LRP1B: variants seen among roughly 807,000 people sequenced by gnomAD.
LRP1B encodes the protein LDL receptor related protein 1B, also known as low-density lipoprotein receptor-related protein 1B.
LRP1B carries 217 observed loss-of-function variants against 556.6 expected under a neutral mutation model. The ratio of observed to expected loss-of-function variants is 0.39; its 90% CI spans 0.35 to 0.44. The LOEUF (loss-of-function observed/expected upper bound fraction) is 0.44, where lower values mean the gene tolerates loss of function less well. LRP1B is among the 20% of genes least tolerant of loss of function. The pLI, the probability that LRP1B is intolerant of heterozygous loss-of-function variation, is 1.00. For synonymous variants in LRP1B, 2,047 were observed against 1,865.8 expected, an observed-to-expected ratio of 1.10 and a Z score of -2.50; for missense variants, 5,053 against 5,620.8, an observed-to-expected ratio of 0.90 and a Z score of 3.23.
At chr2:140,424,351 C>T (rs920359264) in intron 66 of LRP1B, among the ~76,000 whole-genome samples, 9 of 152,076 alleles carry the variant, frequency 5.9e-5, no homozygotes, top group African/African-American at 1.9e-4. Context: ...ATTATTCATT[C>T]CTTTAAATAA....
chr2:141,047,058 T>G (rs200838849), intron 11 of LRP1B, among the ~76,000 whole-genome samples: 13 of 130,346 alleles, frequency 1.0e-4, no homozygotes, highest in Non-Finnish European at 1.6e-4. Context: ...CAAAAATTAA[T>G]AATAATAATA....
At chr2:141,536,549 C>A (rs1235124010) in intron 2 of LRP1B, among the ~76,000 whole-genome samples, 2 of 151,936 alleles carry the variant, frequency 1.3e-5, no homozygotes, top group Admixed American at 1.3e-4. Context: ...TGGAGGTTAT[C>A]AATAAAATAA....
chr2:141,219,557 G>A (rs752961262), intron 6 of LRP1B, among the ~76,000 whole-genome samples: 5 of 152,162 alleles, frequency 3.3e-5, no homozygotes, highest in Non-Finnish European at 7.3e-5. Flanking sequence ...CCCCAGTGCA[G>A]CCAAACCTGC....
At chr2:140,649,441 C>A (rs192043312) in intron 41 of LRP1B, among the ~76,000 whole-genome samples, 1 of 152,186 alleles carries the variant, frequency 6.6e-6, no homozygotes, top group Non-Finnish European at 1.5e-5. Context: ...TTCATTCAAT[C>A]CCATATTCTC....
chr2:141,489,642 T>C (rs1275833787), intron 2 of LRP1B, among the ~76,000 whole-genome samples: 1 of 152,084 alleles, frequency 6.6e-6, no homozygotes, highest in Non-Finnish European at 1.5e-5. Flanking sequence ...CCCAGAACAG[T>C]GTTTATTTCA....
At chr2:140,967,036 G>C (rs896195921) in intron 18 of LRP1B, among the ~76,000 whole-genome samples, 2 of 151,978 alleles carry the variant, frequency 1.3e-5, no homozygotes, top group African/African-American at 2.4e-5. Context: ...GCTCTTTTTT[G>C]GTTCCATATG....
At position 140,702,244 on chromosome 2, in the gene LRP1B, TTCTC is replaced by T; in HGVS notation, c.6195_6198del (p.Arg2066SerfsTer54). The T allele has an allele frequency of 6.2e-7, 1 of 1,613,798 alleles. No homozygotes were observed. Among genetic ancestry groups the T allele is most frequent in the Non-Finnish European group, 8.5e-7 (1 of 1,179,772 alleles). On this transcript the variant is annotated frameshift_variant, in exon 39 of 91. Coordinates refer to ENST00000389484, the MANE Select transcript of LRP1B (RefSeq NM_018557.3). LOFTEE classifies it high-confidence loss of function. Reference sequence around the variant, plus strand: ...CGATTCCCTCCAGTCTCAAGGTCGATTCTCTCTATCTTGTCTGTGCGAGCATCAC... The same window carrying T: ...CGATTCCCTCCAGTCTCAAGGTCGATTCTATCTTGTCTGTGCGAGCATCAC...
chr2:140,717,595 C>T (rs78240572), intron 35 of LRP1B, among the ~76,000 whole-genome samples: 1 of 151,978 alleles, frequency 6.6e-6, no homozygotes, highest in Non-Finnish European at 1.5e-5. Flanking sequence ...TAATTACAGG[C>T]CAATGATTTT....
At chr2:141,006,280 T>C (rs1485507915) in intron 14 of LRP1B, among the ~76,000 whole-genome samples, 3 of 152,042 alleles carry the variant, frequency 2.0e-5, no homozygotes, top group African/African-American at 7.2e-5. Flanking sequence ...ATTATTTCTT[T>C]ATGTTGGGAA....
chr2:141,096,629 G>GGGGAGA (rs1700318118), intron 7 of LRP1B, among the ~76,000 whole-genome samples: 2 of 59,742 alleles, frequency 3.3e-5, no homozygotes, highest in African/African-American at 7.3e-5. Flanking sequence ...GGGGAGAGGG[G>GGGGAGA]GAGAGAGAGA....
intron 6 of LRP1B, among the ~76,000 whole-genome samples, chr2:141,220,370 T>C (rs577211508): frequency 7.4e-4 from 112 of 150,996 alleles, no homozygotes; most frequent in African/African-American, 2.6e-3. Flanking sequence ...GCAGACAAGG[T>C]TAGAGAAAAA....
chr2:140,743,065 A>G (rs750007364), intron 35 of LRP1B, among the ~76,000 whole-genome samples: 1 of 152,194 alleles, frequency 6.6e-6, no homozygotes, highest in Non-Finnish European at 1.5e-5. Flanking sequence ...AGATGAAATA[A>G]ATTCTAAAAT....
At chr2:141,752,379 T>C (rs796826665) in intron 2 of LRP1B, among the ~76,000 whole-genome samples, 15 of 152,266 alleles carry the variant, frequency 9.9e-5, no homozygotes, top group African/African-American at 3.4e-4. Flanking sequence ...AGGCCTGGCA[T>C]ACTAAGGAAT....
At chr2:140,697,605 A>G (rs759821343) in intron 41 of LRP1B, among the ~76,000 whole-genome samples, 3 of 152,150 alleles carry the variant, frequency 2.0e-5, no homozygotes, top group Non-Finnish European at 2.9e-5. Flanking sequence ...TTATTCAGCC[A>G]TAAAAAGAAT....
intron 15 of LRP1B, among the ~76,000 whole-genome samples, chr2:140,994,389 A>ATATGTGTGTGTGTG: frequency 6.8e-6 from 1 of 147,070 alleles, no homozygotes; most frequent in South Asian, 2.2e-4. Context: ...GTAGGTAAGG[A>ATATGTGTGTGTGTG]TGTGTGTGTG....
intron 1 of LRP1B, among the ~76,000 whole-genome samples, chr2:142,119,615 G>A (rs1707383978): frequency 6.6e-6 from 1 of 152,116 alleles, no homozygotes; most frequent in Non-Finnish European, 1.5e-5. Context: ...AGGACCCAGG[G>A]TAATTCAATC....
intron 1 of LRP1B, among the ~76,000 whole-genome samples, chr2:141,892,644 T>G (rs1381247008): frequency 6.6e-6 from 1 of 152,140 alleles, no homozygotes; most frequent in Non-Finnish European, 1.5e-5. Context: ...TTAACATTCA[T>G]ACTAACCCTG....
intron 66 of LRP1B, among the ~76,000 whole-genome samples, chr2:140,419,365 A>T (rs183058047): frequency 6.8e-4 from 103 of 152,330 alleles, no homozygotes; most frequent in African/African-American, 2.3e-3. Flanking sequence ...ATATTTCAGT[A>T]ATAACCTCAT....
At chr2:140,936,365 AAGGAAAAAAG>A (rs372363291) in intron 20 of LRP1B, among the ~76,000 whole-genome samples, 11,497 of 119,008 alleles carry the variant, frequency 0.097, 450 homozygotes, top group Middle Eastern at 0.15. Flanking sequence ...AAAAAAAAGA[AAGGAAAAAAG>A]AAAAGAAAAG....
Sources: gnomAD v4.1 joint callset for allele counts (sites outside exome capture counted in the v4.1 genomes callset) on GRCh38, gnomAD v4.1.1 for gene constraint, MANE v1.5 for transcripts, NCBI Gene and HGNC (gene_info 2026-07-23, HGNC 2026-07-21) for gene names.